DCHS2: variants seen among roughly 807,000 people sequenced by gnomAD.
The protein encoded by DCHS2 is dachsous cadherin-related 2.
In DCHS2, 142 loss-of-function variants were observed where a neutral mutation model predicts 182.4. The ratio of observed to expected loss-of-function variants is 0.78; its 90% CI spans 0.68 to 0.89. DCHS2 has a LOEUF of 0.89. DCHS2 is among the 40% of genes least tolerant of loss of function. DCHS2 has a pLI of 0.00. For missense variants in DCHS2, 4,319 were observed against 4,198.6 expected, an observed-to-expected ratio of 1.03 and a Z score of -0.79; for synonymous variants, 1,740 against 1,663.3, an observed-to-expected ratio of 1.05 and a Z score of -1.12.
intron 3 of DCHS2, chr4:154,354,752 A>G (rs1255557689): frequency 6.6e-6 from 1 of 152,004 alleles, no homozygotes; most frequent in Non-Finnish European, 1.5e-5. Context: ...TTCAGAATCC[A>G]CTCCACTCAA....
Position 154,329,453 on chromosome 4 carries a change from T to G in DCHS2, c.3918+70A>C. On this transcript the variant is annotated intron_variant, in intron 6 of 19. Transcript: ENST00000357232. The stretch of plus-strand genomic sequence containing the variant: ...ACTGATGTGATAAATTCACAGGTTT[T>G]ACCACAAGATGGTGCTCAAAACAAA... 3 of 1,450,078 alleles carry G rather than the reference T, an allele frequency of 2.1e-6. No homozygotes were observed. The South Asian group carries it at 3.9e-5, about 19-fold the overall frequency. 89.8% of individuals were successfully genotyped at this position (1,450,078 alleles called of 1,614,324 possible). A position where few individuals can be genotyped will look rare whatever the true frequency, so the allele number is the denominator to read the frequency against.
At chr4:154,474,589 T>G (rs1735611066) in intron 1 of DCHS2, among the ~76,000 whole-genome samples, 1 of 152,122 alleles carries the variant, frequency 6.6e-6, no homozygotes, top group African/African-American at 2.4e-5. Context: ...GCTGTCCAGG[T>G]GTTGTTCCCA....
At chr4:154,261,474 A>G (rs1732981455) in intron 14 of DCHS2, among the ~76,000 whole-genome samples, 1 of 152,162 alleles carries the variant, frequency 6.6e-6, no homozygotes, top group Non-Finnish European at 1.5e-5. Context: ...TGGTGAAAGA[A>G]TCTGTACTGG....
At chr4:154,297,626 C>A (rs922268266) in intron 13 of DCHS2, among the ~76,000 whole-genome samples, 6 of 152,156 alleles carry the variant, frequency 3.9e-5, no homozygotes, top group Non-Finnish European at 7.3e-5. Flanking sequence ...AATGGGAGGG[C>A]CCTCCTTTAG....
chr4:154,419,377 A>G (rs1733001516), intron 1 of DCHS2, among the ~76,000 whole-genome samples: 1 of 152,204 alleles, frequency 6.6e-6, no homozygotes, highest in African/African-American at 2.4e-5. Context: ...GAAAAATGAG[A>G]TGCAGCAATT....
At chr4:154,409,606 C>T (rs1275650900) in intron 1 of DCHS2, among the ~76,000 whole-genome samples, 2 of 152,124 alleles carry the variant, frequency 1.3e-5, no homozygotes, top group African/African-American at 4.8e-5. Flanking sequence ...CTTGGAGACT[C>T]ACCCTGTACC....
intron 3 of DCHS2, among the ~76,000 whole-genome samples, chr4:154,364,354 T>C (rs1359711486): frequency 6.6e-6 from 1 of 152,200 alleles, no homozygotes; most frequent in African/African-American, 2.4e-5. Flanking sequence ...TTTAAAACAA[T>C]CTGTTAAATG....
intron 9 of DCHS2, 117 bp from the exon 10 acceptor site, chr4:154,316,104 A>C: frequency 6.9e-7 from 1 of 1,449,146 alleles, no homozygotes; most frequent in Non-Finnish European, 9.2e-7. Flanking sequence ...TTAACTGCTA[A>C]AATATGAACT....
intron 1 of DCHS2, among the ~76,000 whole-genome samples, chr4:154,430,453 C>T (rs1733514142): frequency 6.6e-6 from 1 of 152,112 alleles, no homozygotes; most frequent in Admixed American, 6.5e-5. Flanking sequence ...TCTAGTCAGG[C>T]ATATGGAGAC....
At position 154,236,166 on chromosome 4, in the gene DCHS2, G is replaced by C. The variant is rs979017766; in HGVS notation, c.8486C>G (p.Pro2829Arg). ...CTTAGCATGAATATCCCCTGTCAAA[G>C]GGTCAATGAGGAAGAGATCATGATC... is the stretch of plus-strand genomic sequence containing the variant. ...SYDHDLFLID[P>R]LTGDIHAKQI... Residue 2829 changes from proline (P) to arginine (R), a missense_variant, in exon 20 of 20, where the codon CCT (proline) becomes CGT (arginine). Physicochemically the swap from Pro to Arg is moderately radical, Grantham distance 103 (BLOSUM62 -2). Coordinates refer to ENST00000357232, the MANE Select transcript of DCHS2 (RefSeq NM_001358235.2). 8 of 1,613,668 alleles carry C rather than the reference G, an allele frequency of 5.0e-6. No individual in the cohort carries two copies. The African/African-American group carries it at 8.0e-5, about 16-fold the overall frequency.
At position 154,377,492 on chromosome 4, in the gene DCHS2, C is replaced by T. The variant is rs748238884; in HGVS notation, c.2053-48G>A. 14 of 1,470,504 alleles carry T rather than the reference C, an allele frequency of 9.5e-6. No individual in the cohort carries two copies. The Admixed American group carries it at 1.3e-4, about 13-fold the overall frequency. 91.1% of individuals were successfully genotyped at this position (1,470,504 alleles called of 1,614,324 possible). Reference sequence around the variant, plus strand: ...GGAGGAAACAGAAATGCTAGCATTACTTTTCAGTCAGTCATGAATTATTAA... The same window carrying T: ...GGAGGAAACAGAAATGCTAGCATTATTTTTCAGTCAGTCATGAATTATTAA... On this transcript the variant is annotated intron_variant, in intron 1 of 19. Coordinates refer to ENST00000357232, the MANE Select transcript of DCHS2 (RefSeq NM_001358235.2).
chr4:154,308,232 A>G (rs759980801), intron 10 of DCHS2, among the ~76,000 whole-genome samples: 2 of 151,760 alleles, frequency 1.3e-5, no homozygotes, highest in African/African-American at 2.4e-5. Context: ...TCTCTGTGGC[A>G]TCATATATGG....
intron 1 of DCHS2, among the ~76,000 whole-genome samples, chr4:154,426,714 C>T (rs1187104793): frequency 1.3e-5 from 2 of 151,488 alleles, no homozygotes; most frequent in Non-Finnish European, 2.9e-5. Context: ...AGGGAGGATT[C>T]CTTGAGCTCA....
intron 7 of DCHS2, among the ~76,000 whole-genome samples, chr4:154,327,249 A>G (rs564202516): frequency 6.6e-6 from 1 of 152,174 alleles, no homozygotes; most frequent in Non-Finnish European, 1.5e-5. Context: ...ACTTAGCTTC[A>G]TTAGTTTCAC....
intron 1 of DCHS2, among the ~76,000 whole-genome samples, chr4:154,450,363 A>G (rs534829638): frequency 1.3e-5 from 2 of 152,338 alleles, no homozygotes; most frequent in South Asian, 4.1e-4. Context: ...TGGACTGTGC[A>G]TCTTCCAAAA....
intron 15 of DCHS2, among the ~76,000 whole-genome samples, chr4:154,258,760 C>T (rs555907067): frequency 9.2e-5 from 14 of 152,224 alleles, no homozygotes; most frequent in Admixed American, 3.3e-4. Flanking sequence ...GCCATGTAAA[C>T]GCCTTACCCC....
At chr4:154,292,074 A>G (rs143301742) in intron 13 of DCHS2, among the ~76,000 whole-genome samples, 4 of 152,306 alleles carry the variant, frequency 2.6e-5, no homozygotes, top group African/African-American at 9.6e-5. Context: ...ATAAATATAT[A>G]TACCTACTAC....
At chr4:154,469,841 C>G (rs1461990922) in intron 1 of DCHS2, among the ~76,000 whole-genome samples, 4 of 152,208 alleles carry the variant, frequency 2.6e-5, no homozygotes, top group South Asian at 2.1e-4. Flanking sequence ...TTAGACAAAC[C>G]TTTCCTTCCT....
intron 1 of DCHS2, among the ~76,000 whole-genome samples, chr4:154,466,473 C>T (rs764390715): frequency 1.3e-5 from 2 of 152,258 alleles, no homozygotes. Flanking sequence ...GGTAACGAAG[C>T]CAGCTCTTCA....
Sources: allele counts gnomAD v4.1 joint callset (sites outside exome capture counted in the v4.1 genomes callset), GRCh38; gene constraint gnomAD v4.1.1; transcripts MANE v1.5; gene names NCBI Gene and HGNC (gene_info 2026-07-23, HGNC 2026-07-21).